Variants in ST3GAL5 observed in about 807,000 individuals in gnomAD.
ST3GAL5 encodes the protein ST3 beta-galactoside alpha-2,3-sialyltransferase 5.
Under a neutral mutation model 46.1 loss-of-function variants are expected in ST3GAL5, and 25 were observed. The observed-to-expected ratio is 0.54, with a 90% confidence interval of 0.40 to 0.76. ST3GAL5 has a LOEUF of 0.76. Ranked by LOEUF, ST3GAL5 falls within the 30% of genes least tolerant of loss-of-function variation. The pLI, the probability that ST3GAL5 is intolerant of heterozygous loss-of-function variation, is 0.00. For synonymous variants in ST3GAL5, 182 were observed against 192.7 expected (o/e 0.94, Z 0.46); for missense variants, 431 against 521.2 (o/e 0.83, Z 1.69).
Position 85,863,381 on chromosome 2 carries a change from A to C in ST3GAL5, c.187T>G (p.Leu63Val). 11 of 1,614,176 alleles carry C rather than the reference A, an allele frequency of 6.8e-6. No individual in the cohort carries two copies. The highest frequency in any genetic ancestry group is 9.3e-6 in the Non-Finnish European group (11 of 1,180,040). ...AQSKMRRPSL[L>V]LKDILKCTLL... ...ACTTACTTGAGGATGTCTTTTAATAACAAGCTGGGCCTTCTCATCTTGCTT... is the reference window on the plus strand; with the variant it reads ...ACTTACTTGAGGATGTCTTTTAATACCAAGCTGGGCCTTCTCATCTTGCTT... Residue 63 changes from leucine to valine, a missense_variant, in exon 2 of 7, where the codon TTA becomes GTA. Transcript: ENST00000638572.
chr2:85,851,832 G>A lies in ST3GAL5; in HGVS notation c.319-3628C>T, dbSNP rs1261116250. On this transcript the variant is annotated intron_variant, in intron 3 of 6. Transcript: ENST00000638572. ...TGAGGCTCACTGGAAGCCAGGAGCT[G>A]GTGACTCTCTCGTAAAATACAAGAA... The A allele has an allele frequency of 4.7e-6, 3 of 644,498 alleles. No homozygotes were observed. The African/African-American group carries it at 5.8e-5, about 12-fold the overall frequency. The allele number at this position is 644,498 out of a possible 1,614,324, so 39.9% of individuals were successfully genotyped here. A position where few individuals can be genotyped will look rare whatever the true frequency, so the allele number is the denominator to read the frequency against.
intron 3 of ST3GAL5, among the ~76,000 whole-genome samples, chr2:85,856,658 C>T (rs1186379531): frequency 6.6e-6 from 1 of 151,780 alleles, no homozygotes; most frequent in Non-Finnish European, 1.5e-5. Flanking sequence ...TAATCTCAAA[C>T]TCCTGGGCGC....
At position 85,844,523 on chromosome 2, in the gene ST3GAL5, T is replaced by C; in HGVS notation, c.881A>G (p.Gln294Arg). The change falls in exon 6 of 7, where the codon CAG becomes CGG. Residue 294 changes from glutamine to arginine, a missense_variant. Gln to Arg is a conservative substitution (Grantham distance 43). Transcript: ENST00000638572. ...CTGCAGTGGGATTTTTTCTGCCACC[T>C]GCTTCCAAAAGAAGAGTCGTACCCA... ...PFWVRLFFWK[Q>R]VAEKIPLQPK... 6.2e-7 allele frequency: 1 copy of C among 1,614,186 alleles called. No individual in the cohort carries two copies. Among genetic ancestry groups the C allele is most frequent in the African/African-American group, 1.3e-5 (1 of 75,038 alleles).
chr2:85,855,113 A>T (rs1314040688), intron 3 of ST3GAL5: 2 of 152,234 alleles, frequency 1.3e-5, no homozygotes, highest in Non-Finnish European at 2.9e-5. Context: ...GTCCCCACCC[A>T]AATCTCATCT....
At chr2:85,887,733 T>G (rs1450872692) in intron 1 of ST3GAL5, 1 of 152,204 alleles carries the variant, frequency 6.6e-6, no homozygotes, top group African/African-American at 2.4e-5. Context: ...GGATTCCTCT[T>G]CCACAGTTTC....
intron 1 of ST3GAL5, among the ~76,000 whole-genome samples, chr2:85,883,821 G>A (rs1172265159): frequency 1.3e-5 from 2 of 152,166 alleles, no homozygotes; most frequent in Admixed American, 6.5e-5. Flanking sequence ...GACCTCTCTC[G>A]AGGCTGGACT....
rs1351520664 is a variant in ST3GAL5, at chr2:85,838,746, A to T, written c.*1398T>A. 6.5e-6 allele frequency: 1 copy of T among 152,714 alleles called. No homozygotes were observed. Among genetic ancestry groups the T allele is most frequent in the Non-Finnish European group, 1.5e-5 (1 of 68,366 alleles). The allele number at this position is 152,714 out of a possible 1,614,324, so 9.5% of individuals were successfully genotyped here. A position where few individuals can be genotyped will look rare whatever the true frequency, so the allele number is the denominator to read the frequency against. On this transcript the variant is annotated 3_prime_UTR_variant, in exon 7 of 7. Transcript: ENST00000638572. ...GAAGACGTTCGAATGGGCTGGGGCCAAGGCTGCACTGGGGCTGCACAAGCA... is the reference window on the plus strand; with the variant it reads ...GAAGACGTTCGAATGGGCTGGGGCCTAGGCTGCACTGGGGCTGCACAAGCA...
rs1681586625 is a variant in ST3GAL5, at chr2:85,837,129, T to C, written c.*3015A>G. The C allele has an allele frequency of 2.0e-5, 3 of 152,190 alleles. No homozygotes were observed. In the South Asian group the frequency reaches 6.2e-4, roughly 31 times the overall value. 9.4% of individuals were successfully genotyped at this position (152,190 alleles called of 1,614,324 possible). On this transcript the variant is annotated 3_prime_UTR_variant, in exon 7 of 7. Transcript: ENST00000638572. Reference sequence around the variant, plus strand: ...CAAAACAAAAGACATATTGAAGATATATCTATACTCCCATATTTATTGCAG... The same window carrying C: ...CAAAACAAAAGACATATTGAAGATACATCTATACTCCCATATTTATTGCAG...
intron 1 of ST3GAL5, among the ~76,000 whole-genome samples, chr2:85,886,762 CA>C: frequency 6.6e-6 from 1 of 152,318 alleles, no homozygotes; most frequent in African/African-American, 2.4e-5. Flanking sequence ...TGATTCACCC[CA>C]CTTTGGATGC....
intron 4 of ST3GAL5, chr2:85,847,391 C>T: frequency 2.0e-6 from 2 of 998,150 alleles, no homozygotes; most frequent in Non-Finnish European, 2.4e-6. Flanking sequence ...CTGTAGCCAG[C>T]AGCATGCTCC....
At chr2:85,841,373 C>T (rs921725547) in intron 6 of ST3GAL5, among the ~76,000 whole-genome samples, 5 of 151,828 alleles carry the variant, frequency 3.3e-5, no homozygotes, top group Non-Finnish European at 7.4e-5. Context: ...CACTCTGTTG[C>T]CCAGGTTGGG....
chr2:85,882,745 A>C (rs1687299484), intron 1 of ST3GAL5, among the ~76,000 whole-genome samples: 1 of 151,582 alleles, frequency 6.6e-6, no homozygotes. Flanking sequence ...AGGCAGGAGA[A>C]TCACTTGAAC....
At chr2:85,877,022 T>G (rs1304044701) in intron 1 of ST3GAL5, among the ~76,000 whole-genome samples, 1 of 152,266 alleles carries the variant, frequency 6.6e-6, no homozygotes, top group Non-Finnish European at 1.5e-5. Flanking sequence ...CCCCAGTTGT[T>G]ACCATTTTAC....
In ST3GAL5 at chr2:85,837,571, GAAT is replaced by G. The variant is rs961100521; in HGVS notation, c.*2570_*2572del. On this transcript the variant is annotated 3_prime_UTR_variant, in exon 7 of 7. Transcript: ENST00000638572. Reference sequence around the variant, plus strand: ...TTTACTGTGTATTTCAAAATCACTAGAATAATTCAAATGTTTCTACCATAAAGA... The same window carrying G: ...TTTACTGTGTATTTCAAAATCACTAGAATTCAAATGTTTCTACCATAAAGA... The G allele has an allele frequency of 6.6e-6, 1 of 152,132 alleles. No individual in the cohort carries two copies. Among genetic ancestry groups the G allele is most frequent in the Non-Finnish European group, 1.5e-5 (1 of 68,018 alleles). 9.4% of individuals were successfully genotyped at this position (152,132 alleles called of 1,614,324 possible). A position where few individuals can be genotyped will look rare whatever the true frequency, so the allele number is the denominator to read the frequency against.
intron 6 of ST3GAL5, among the ~76,000 whole-genome samples, chr2:85,842,206 C>G (rs916781988): frequency 6.6e-6 from 1 of 152,194 alleles, no homozygotes; most frequent in African/African-American, 2.4e-5. Flanking sequence ...ATTCTGCATG[C>G]TTGGAAATAG....
intron 6 of ST3GAL5, among the ~76,000 whole-genome samples, chr2:85,842,308 T>G (rs1241575385): frequency 6.6e-6 from 1 of 152,232 alleles, no homozygotes; most frequent in Non-Finnish European, 1.5e-5. Flanking sequence ...GTACCCCCAG[T>G]GACCATCTTG....
At chr2:85,860,716 T>TA (rs1036229633) in intron 3 of ST3GAL5, among the ~76,000 whole-genome samples, 4 of 149,336 alleles carry the variant, frequency 2.7e-5, no homozygotes, top group Non-Finnish European at 4.4e-5. Context: ...CCACAAAAAA[T>TA]AAAAAAATTA....
intron 1 of ST3GAL5, among the ~76,000 whole-genome samples, chr2:85,873,525 T>C (rs1686184982): frequency 6.6e-6 from 1 of 151,982 alleles, no homozygotes. Context: ...CACCACAGGC[T>C]CAGCACGGAC....
At chr2:85,875,870 C>T (rs534707562) in intron 1 of ST3GAL5, among the ~76,000 whole-genome samples, 73 of 152,260 alleles carry the variant, frequency 4.8e-4, no homozygotes, top group African/African-American at 1.7e-3. Flanking sequence ...AGCAGACCTA[C>T]CCACAAAGCG....
Sources: allele counts gnomAD v4.1 joint callset (sites outside exome capture counted in the v4.1 genomes callset), GRCh38; gene constraint gnomAD v4.1.1; transcripts MANE v1.5; gene names NCBI Gene and HGNC (gene_info 2026-07-23, HGNC 2026-07-21).